PLEKHA1: variants seen among roughly 807,000 people sequenced by gnomAD.
PLEKHA1 encodes the protein pleckstrin homology domain containing A1, also known as pleckstrin homology domain-containing family A member 1.
Under a neutral mutation model 52.0 loss-of-function variants are expected in PLEKHA1, and 34 were observed. The observed-to-expected ratio is 0.65, with a 90% confidence interval of 0.50 to 0.87. The LOEUF is 0.87. Among genes scored for constraint, PLEKHA1 ranks in the 40% least tolerant of loss-of-function variants. The pLI is 0.00. For synonymous variants in PLEKHA1, 163 were observed against 170.7 expected, an observed-to-expected ratio of 0.95 and a Z score of 0.35; for missense variants, 497 against 504.2, an observed-to-expected ratio of 0.99 and a Z score of 0.14.
intron 1 of PLEKHA1, among the ~76,000 whole-genome samples, chr10:122,389,828 A>AT (rs1209865869): frequency 3.9e-5 from 6 of 152,062 alleles, no homozygotes; most frequent in East Asian, 1.9e-4. Flanking sequence ...GGGCTCTAGG[A>AT]TTTTTTTCGG....
intron 5 of PLEKHA1, among the ~76,000 whole-genome samples, chr10:122,410,465 G>A (rs1258167549): frequency 6.6e-6 from 1 of 152,158 alleles, no homozygotes; most frequent in African/African-American, 2.4e-5. Context: ...GCAGGGGTGT[G>A]TCCTGAAAAT....
At chr10:122,407,604 A>G (rs1296321611) in intron 5 of PLEKHA1, among the ~76,000 whole-genome samples, 1 of 152,190 alleles carries the variant, frequency 6.6e-6, no homozygotes, top group Non-Finnish European at 1.5e-5. Flanking sequence ...AGAGTTTGCT[A>G]GTGATGATGA....
At chr10:122,378,309 AGAGTTTTAAT>A (rs1311701403) in intron 1 of PLEKHA1, among the ~76,000 whole-genome samples, 1 of 152,246 alleles carries the variant, frequency 6.6e-6, no homozygotes, top group East Asian at 1.9e-4. Flanking sequence ...AACAAACACA[AGAGTTTTAAT>A]GAGTTTTAAT....
At chr10:122,412,054 T>C (rs1434603934) in intron 5 of PLEKHA1, 2 of 152,168 alleles carry the variant, frequency 1.3e-5, no homozygotes, top group Non-Finnish European at 2.9e-5. Context: ...AGTCTACAGA[T>C]AGAAATAATG....
At chr10:122,390,110 G>A (rs1288863593) in intron 1 of PLEKHA1, among the ~76,000 whole-genome samples, 2 of 152,170 alleles carry the variant, frequency 1.3e-5, no homozygotes, top group African/African-American at 4.8e-5. Flanking sequence ...ATGTTATAGA[G>A]ATGGCTTCTT....
chr10:122,376,918 G>A (rs1227689822), intron 1 of PLEKHA1, among the ~76,000 whole-genome samples: 1 of 152,184 alleles, frequency 6.6e-6, no homozygotes, highest in Non-Finnish European at 1.5e-5. Context: ...AGATACTTGG[G>A]AAAGGTGGAA....
downstream of PLEKHA1, chr10:122,434,929 T>A (rs2097432952): frequency 6.6e-6 from 1 of 151,838 alleles, no homozygotes; most frequent in Admixed American, 6.6e-5. Context: ...TAGTATTCCA[T>A]GGTGTATATG....
intron 5 of PLEKHA1, among the ~76,000 whole-genome samples, chr10:122,411,241 G>C (rs1488292515): frequency 6.6e-6 from 1 of 152,146 alleles, no homozygotes; most frequent in Admixed American, 6.6e-5. Flanking sequence ...TGGAGGATTG[G>C]GCCTGGGGCC....
At chr10:122,413,989 A>G (rs2097140878) in intron 6 of PLEKHA1, among the ~76,000 whole-genome samples, 1 of 152,090 alleles carries the variant, frequency 6.6e-6, no homozygotes, top group Non-Finnish European at 1.5e-5. Flanking sequence ...TAATTAATTA[A>G]TTAACTATTG....
intron 6 of PLEKHA1, among the ~76,000 whole-genome samples, chr10:122,413,388 G>A (rs1287861013): frequency 1.3e-5 from 2 of 151,942 alleles, no homozygotes; most frequent in African/African-American, 4.8e-5. Flanking sequence ...GTGCATAGTA[G>A]TTCTTCCATG....
At chr10:122,385,311 CTTTTT>C (rs1196217497) in intron 1 of PLEKHA1, among the ~76,000 whole-genome samples, 9 of 96,480 alleles carry the variant, frequency 9.3e-5, no homozygotes, top group African/African-American at 1.8e-4. Context: ...TTGTGTCTGG[CTTTTT>C]TTTTTTTTTT....
chr10:122,394,275 C>T (rs576744232), intron 2 of PLEKHA1, among the ~76,000 whole-genome samples: 33 of 151,782 alleles, frequency 2.2e-4, no homozygotes, highest in African/African-American at 7.2e-4. Flanking sequence ...AGGGTTTTTC[C>T]GTCTTGGCCA....
intron 1 of PLEKHA1, among the ~76,000 whole-genome samples, chr10:122,375,345 TG>T (rs927513854): frequency 2.6e-5 from 4 of 152,164 alleles, no homozygotes; most frequent in Non-Finnish European, 5.9e-5. Context: ...CTTCAGGACT[TG>T]CCGAGGCCGA....
In PLEKHA1 at chr10:122,426,995, T is replaced by C; in HGVS notation, c.864T>C (p.Ile288=). 1 of 1,614,112 alleles carries C rather than the reference T, an allele frequency of 6.2e-7. No individual in the cohort carries two copies. The highest frequency in any genetic ancestry group is 8.5e-7 in the Non-Finnish European group (1 of 1,179,980). Reference sequence around the variant, plus strand: ...GGATTAAAGCAGTCTCTGGCGCCATTGTAGCACAGCGGGGTCCCGGCAGAT... The same window carrying C: ...GGATTAAAGCAGTCTCTGGCGCCATCGTAGCACAGCGGGGTCCCGGCAGAT... ...HSWIKAVSGA[I]VAQRGPGRSA... The change falls in exon 11 of 12, where the codon ATT becomes ATC. Residue 288 remains isoleucine, a synonymous_variant. Transcript: ENST00000368990.
intron 1 of PLEKHA1, among the ~76,000 whole-genome samples, chr10:122,382,114 CT>C (rs985971737): frequency 6.6e-6 from 1 of 152,132 alleles, no homozygotes; most frequent in South Asian, 2.1e-4. Context: ...GTAATCGTTT[CT>C]TTTTTTAGAA....
chr10:122,406,745 C>T, intron 5 of PLEKHA1, 72 bp downstream of exon 5: 2 of 1,100,724 alleles, frequency 1.8e-6, no homozygotes. Context: ...AATACACCTA[C>T]CAAATGTTCC....
At chr10:122,413,621 A>G (rs2097136239) in intron 6 of PLEKHA1, among the ~76,000 whole-genome samples, 1 of 152,158 alleles carries the variant, frequency 6.6e-6, no homozygotes, top group Non-Finnish European at 1.5e-5. Flanking sequence ...TAACTAAGTT[A>G]TATCTCAGAA....
At chr10:122,416,476 G>C (rs1242160344) in intron 7 of PLEKHA1, among the ~76,000 whole-genome samples, 1 of 152,088 alleles carries the variant, frequency 6.6e-6, no homozygotes, top group Non-Finnish European at 1.5e-5. Context: ...TCTGTCTTAA[G>C]GAATATCATA....
chr10:122,421,952 G>A (rs1458034566), intron 8 of PLEKHA1: 1 of 144,132 alleles, frequency 6.9e-6, no homozygotes, highest in African/African-American at 2.6e-5. Context: ...GGCAGATAAA[G>A]TACAAGCTGA....
Sources: allele counts gnomAD v4.1 joint callset (sites outside exome capture counted in the v4.1 genomes callset), GRCh38; gene constraint gnomAD v4.1.1; transcripts MANE v1.5; gene names NCBI Gene and HGNC (gene_info 2026-07-23, HGNC 2026-07-21).